The following SV2C variants were observed in gnomAD, a reference collection of about 807,000 sequenced individuals.
The protein encoded by SV2C is solute carrier family 22 member B3.
A neutral mutation model predicts 79.7 loss-of-function variants in SV2C; 49 were observed. The ratio of observed to expected loss-of-function variants is 0.61; its 90% CI spans 0.49 to 0.78. The LOEUF (loss-of-function observed/expected upper bound fraction) is 0.78. Ranked by LOEUF, SV2C falls within the 30% of genes least tolerant of loss-of-function variation. SV2C has a pLI of 0.00. For missense variants in SV2C, 833 were observed against 912.9 expected (o/e 0.91, Z 1.13); for synonymous variants, 334 against 333.2 (o/e 1.00, Z -0.03).
chr5:75,898,579 T>G, the SV2C span, among the ~76,000 whole-genome samples: 4 of 152,232 alleles, frequency 2.6e-5, no homozygotes, highest in African/African-American at 9.6e-5. Context: ...GATGCTGGCC[T>G]CATAAAATGA....
At chr5:76,223,995 C>G (rs926904432) in intron 4 of SV2C, among the ~76,000 whole-genome samples, 1 of 152,270 alleles carries the variant, frequency 6.6e-6, no homozygotes, top group Middle Eastern at 3.4e-3. Context: ...GGGTCCCACC[C>G]TTATGAGCTC....
intron 4 of SV2C, among the ~76,000 whole-genome samples, chr5:76,240,273 G>C (rs1561279208): frequency 1.3e-5 from 2 of 152,214 alleles, no homozygotes; most frequent in African/African-American, 2.4e-5. Context: ...TTACACAGCA[G>C]TTGTGTGATA....
chr5:75,913,139 G>A, the SV2C span, among the ~76,000 whole-genome samples: 3 of 152,138 alleles, frequency 2.0e-5, no homozygotes, highest in South Asian at 6.2e-4. Flanking sequence ...TAGGAATCTA[G>A]TCCAAATGAT....
At chr5:76,253,645 T>C (rs1431291749) in intron 4 of SV2C, among the ~76,000 whole-genome samples, 2 of 145,604 alleles carry the variant, frequency 1.4e-5, no homozygotes, top group Admixed American at 1.4e-4. Flanking sequence ...CTCTAATTAC[T>C]CAACACATCC....
At chr5:75,861,340 A>G in the SV2C span, among the ~76,000 whole-genome samples, 3 of 152,340 alleles carry the variant, frequency 2.0e-5, no homozygotes, top group South Asian at 4.1e-4. Context: ...TGGTGAGGCT[A>G]TGGAGAAAAG....
chr5:76,351,161 C>T (rs1749634447), intron 12 of SV2C, among the ~76,000 whole-genome samples: 1 of 152,140 alleles, frequency 6.6e-6, no homozygotes, highest in African/African-American at 2.4e-5. Flanking sequence ...AACGATATAT[C>T]TTAGGCCAGG....
At chr5:76,242,356 G>A in intron 4 of SV2C, 2 of 1,268,324 alleles carry the variant, frequency 1.6e-6, no homozygotes, top group Non-Finnish European at 2.2e-6. Flanking sequence ...CGGCGCGCGG[G>A]CTTTGGTCGG....
the SV2C span, among the ~76,000 whole-genome samples, chr5:75,898,836 A>G: frequency 4.6e-5 from 7 of 151,982 alleles, no homozygotes; most frequent in Admixed American, 1.3e-4. Flanking sequence ...TTTCTTCTAG[A>G]TTTTCTAGTT....
intron 4 of SV2C, among the ~76,000 whole-genome samples, chr5:76,242,919 C>T (rs1745831860): frequency 1.4e-5 from 2 of 139,464 alleles, no homozygotes; most frequent in Admixed American, 7.7e-5. Flanking sequence ...AAGGCTGAGG[C>T]GGGAGGATCC....
chr5:76,053,544 T>C, the SV2C span, among the ~76,000 whole-genome samples: 1 of 152,174 alleles, frequency 6.6e-6, no homozygotes, highest in African/African-American at 2.4e-5. Context: ...ATAATTACTT[T>C]TTAGGAAATG....
chr5:75,951,934 G>A, the SV2C span, among the ~76,000 whole-genome samples: 1,081 of 152,022 alleles, frequency 7.1e-3, 19 homozygotes, highest in African/African-American at 0.023. Context: ...ACAGCAAAGG[G>A]AGTAAGGATA....
chr5:76,126,339 AG>A (rs1236848595), intron 1 of SV2C, among the ~76,000 whole-genome samples: 1 of 152,214 alleles, frequency 6.6e-6, no homozygotes, highest in African/African-American at 2.4e-5. Flanking sequence ...GGTAGTTTAC[AG>A]GGTTGGAGGG....
chr5:76,265,694 G>T (rs1360782123), intron 4 of SV2C, among the ~76,000 whole-genome samples: 1 of 151,998 alleles, frequency 6.6e-6, no homozygotes, highest in African/African-American at 2.4e-5. Context: ...ATCCCTCATG[G>T]CTTCCCTTGG....
At chr5:75,904,400 C>CAGAGAGAG in the SV2C span, among the ~76,000 whole-genome samples, 989 of 138,822 alleles carry the variant, frequency 7.1e-3, 12 homozygotes, top group East Asian at 0.032. Flanking sequence ...AAAACAAACC[C>CAGAGAGAG]AGAGAGAGAG....
chr5:76,062,992 C>CCCTTCCT, the SV2C span, among the ~76,000 whole-genome samples: 1 of 152,126 alleles, frequency 6.6e-6, no homozygotes, highest in Non-Finnish European at 1.5e-5. Flanking sequence ...CGCCATGTTG[C>CCCTTCCT]CCTTCCTCCT....
At chr5:75,926,411 G>A in the SV2C span, among the ~76,000 whole-genome samples, 1 of 152,200 alleles carries the variant, frequency 6.6e-6, no homozygotes, top group African/African-American at 2.4e-5. Context: ...CTTTGCTACT[G>A]ATAAAGTATT....
At chr5:75,951,828 G>A in the SV2C span, among the ~76,000 whole-genome samples, 13 of 151,930 alleles carry the variant, frequency 8.6e-5, no homozygotes, top group Admixed American at 1.3e-4. Flanking sequence ...TGCTCACCAC[G>A]CTTCTTCCAA....
At position 76,088,476 on chromosome 5, in the gene SV2C, T is replaced by C. The variant is rs572210471; in HGVS notation, c.-102+4964T>C. On this transcript the variant is annotated intron_variant, in intron 1 of 12. Transcript: ENST00000502798. ...AGATTTGGTGTCTGGTCAAGGCCTA[T>C]TCCTCATAGATGTCCTCACACGGAA... 1.0e-3 allele frequency among the ~76,000 whole-genome samples: 153 copies of C among 152,248 alleles called. 1 individual carries two copies. The highest frequency in any genetic ancestry group is 4.1e-3 in the Admixed American group (63 of 15,290).
intron 2 of SV2C, among the ~76,000 whole-genome samples, chr5:76,149,674 T>C (rs531480189): frequency 1.3e-5 from 2 of 152,272 alleles, no homozygotes; most frequent in Non-Finnish European, 2.9e-5. Context: ...AACTTTTTTT[T>C]TTCCAAAAAG....
Sources: allele counts gnomAD v4.1 joint callset (sites outside exome capture counted in the v4.1 genomes callset), GRCh38; gene constraint gnomAD v4.1.1; transcripts MANE v1.5; gene names NCBI Gene and HGNC (gene_info 2026-07-23, HGNC 2026-07-21).